GRIA1: variants seen among roughly 807,000 people sequenced by gnomAD.
GRIA1 encodes the protein glutamate ionotropic receptor AMPA type subunit 1.
Under a neutral mutation model 99.2 loss-of-function variants are expected in GRIA1, and 31 were observed. The ratio of observed to expected loss-of-function variants is 0.31; its 90% CI spans 0.23 to 0.42. The LOEUF (loss-of-function observed/expected upper bound fraction) is 0.42. GRIA1 is among the 10% of genes least tolerant of loss of function. The pLI is 1.00. For synonymous variants in GRIA1, 438 were observed against 432.4 expected (o/e 1.01, Z -0.16); for missense variants, 782 against 1,157.5 (o/e 0.68, Z 4.71).
At chr5:153,727,319 C>G (rs1284882327) in intron 11 of GRIA1, among the ~76,000 whole-genome samples, 1 of 152,118 alleles carries the variant, frequency 6.6e-6, no homozygotes, top group Non-Finnish European at 1.5e-5. Flanking sequence ...CCTTTGAGAA[C>G]TGGCACAAGA....
At chr5:153,535,604 T>A (rs1758492285) in intron 2 of GRIA1, among the ~76,000 whole-genome samples, 1 of 152,238 alleles carries the variant, frequency 6.6e-6, no homozygotes, top group African/African-American at 2.4e-5. Flanking sequence ...GAACAGTTTT[T>A]ATCTTTTATT....
At chr5:153,510,813 A>G (rs1278207506) in intron 2 of GRIA1, among the ~76,000 whole-genome samples, 1 of 152,192 alleles carries the variant, frequency 6.6e-6, no homozygotes, top group East Asian at 1.9e-4. Context: ...GAATATCCAC[A>G]TTTCTACACA....
At chr5:153,555,994 A>G (rs1760605667) in intron 2 of GRIA1, among the ~76,000 whole-genome samples, 2 of 152,182 alleles carry the variant, frequency 1.3e-5, no homozygotes, top group South Asian at 4.1e-4. Flanking sequence ...AAAAGATTGC[A>G]CTGTGTCAGG....
chr5:153,585,462 C>T (rs1335844995), intron 2 of GRIA1, among the ~76,000 whole-genome samples: 1 of 151,990 alleles, frequency 6.6e-6, no homozygotes, highest in Admixed American at 6.6e-5. Flanking sequence ...GCACCCACAA[C>T]CATGCCCAGC....
intron 2 of GRIA1, among the ~76,000 whole-genome samples, chr5:153,547,175 ATT>A (rs146737321): frequency 1.3e-5 from 2 of 150,100 alleles, no homozygotes; most frequent in African/African-American, 4.9e-5. Context: ...TTTTTGTGTG[ATT>A]TTTTTTTTAG....
chr5:153,493,789 G>A (rs1246649095), intron 1 of GRIA1, 139 bp from the exon 2 acceptor site: 37 of 802,178 alleles, frequency 4.6e-5, no homozygotes, highest in Non-Finnish European at 6.4e-5. Flanking sequence ...AAGCCTATTT[G>A]AACTCTCATC....
chr5:153,735,444 G>T (rs1333983452), intron 11 of GRIA1, among the ~76,000 whole-genome samples: 1 of 152,128 alleles, frequency 6.6e-6, no homozygotes, highest in Non-Finnish European at 1.5e-5. Context: ...AATTAGAACG[G>T]AACAGAATAG....
intron 2 of GRIA1, among the ~76,000 whole-genome samples, chr5:153,573,881 A>C (rs1413243622): frequency 6.6e-6 from 1 of 152,198 alleles, no homozygotes; most frequent in Non-Finnish European, 1.5e-5. Context: ...GTCCCAGTCC[A>C]ACCTTCTGTG....
chr5:153,771,893 G>T (rs939167555), intron 13 of GRIA1, among the ~76,000 whole-genome samples: 1 of 152,118 alleles, frequency 6.6e-6, no homozygotes, highest in Non-Finnish European at 1.5e-5. Context: ...CATCAGAGGT[G>T]GGGGAGGGGG....
intron 8 of GRIA1, among the ~76,000 whole-genome samples, chr5:153,688,061 C>T (rs1270031555): frequency 6.6e-6 from 1 of 152,180 alleles, no homozygotes; most frequent in Non-Finnish European, 1.5e-5. Context: ...TGTTACCAAG[C>T]TTTCTCCATA....
At chr5:153,693,189 G>T (rs1757881924) in intron 8 of GRIA1, among the ~76,000 whole-genome samples, 1 of 152,174 alleles carries the variant, frequency 6.6e-6, no homozygotes. Context: ...AGATAGGAAT[G>T]AAAGAAAATG....
intron 9 of GRIA1, among the ~76,000 whole-genome samples, chr5:153,698,357 G>A (rs1758267401): frequency 6.6e-6 from 1 of 152,180 alleles, no homozygotes; most frequent in African/African-American, 2.4e-5. Context: ...CTCATCCTTT[G>A]TACCCTTGGG....
At chr5:153,805,433 G>A (rs1054118098) in intron 15 of GRIA1, among the ~76,000 whole-genome samples, 1 of 152,142 alleles carries the variant, frequency 6.6e-6, no homozygotes, top group Non-Finnish European at 1.5e-5. Flanking sequence ...GGGCATGGGA[G>A]GGAGCTGCTC....
At chr5:153,560,942 T>C (rs1761068919) in intron 2 of GRIA1, among the ~76,000 whole-genome samples, 1 of 152,222 alleles carries the variant, frequency 6.6e-6, no homozygotes, top group Non-Finnish European at 1.5e-5. Flanking sequence ...TGAACCTTTC[T>C]TAGCAAAGTG....
chr5:153,656,054 A>C (rs1754922289), intron 5 of GRIA1, among the ~76,000 whole-genome samples, 182 bp downstream of exon 5: 1 of 152,116 alleles, frequency 6.6e-6, no homozygotes. Flanking sequence ...AAACCACAAC[A>C]CACTATTCAT....
chr5:153,707,234 G>T (rs1293372498), intron 11 of GRIA1, among the ~76,000 whole-genome samples: 2 of 152,214 alleles, frequency 1.3e-5, no homozygotes, highest in Admixed American at 6.5e-5. Context: ...AATCAGAATG[G>T]CTCCATTTTT....
intron 2 of GRIA1, among the ~76,000 whole-genome samples, chr5:153,545,800 A>G (rs1278873692): frequency 2.0e-5 from 3 of 152,346 alleles, no homozygotes; most frequent in South Asian, 2.1e-4. Context: ...CTCCTGAATG[A>G]TAATATTTAA....
chr5:153,639,840 CA>C (rs1383164752), intron 2 of GRIA1, among the ~76,000 whole-genome samples: 5 of 152,184 alleles, frequency 3.3e-5, no homozygotes, highest in Admixed American at 2.6e-4. Flanking sequence ...CAGAAAATTT[CA>C]ATCTGTAGGA....
intron 13 of GRIA1, among the ~76,000 whole-genome samples, chr5:153,774,074 C>CCA (rs1253252629): frequency 1.5e-5 from 1 of 68,882 alleles, no homozygotes; most frequent in Non-Finnish European, 2.9e-5. Flanking sequence ...AACCCCCCCT[C>CCA]CCCCCACACA....
Sources: allele counts gnomAD v4.1 joint callset (sites outside exome capture counted in the v4.1 genomes callset), GRCh38; gene constraint gnomAD v4.1.1; transcripts MANE v1.5; gene names NCBI Gene and HGNC (gene_info 2026-07-23, HGNC 2026-07-21).